MAP3K13: variants seen among roughly 807,000 people sequenced by gnomAD.
MAP3K13 encodes the protein mitogen-activated protein kinase kinase kinase 13.
In MAP3K13, 52 loss-of-function variants were observed where a neutral mutation model predicts 104.0. The ratio of observed to expected loss-of-function variants is 0.50; its 90% confidence interval spans 0.40 to 0.63. The LOEUF is 0.63. MAP3K13 is among the 20% of genes least tolerant of loss of function. The pLI, the probability that MAP3K13 is intolerant of heterozygous loss-of-function variation, is 0.00. For synonymous variants in MAP3K13, 394 were observed against 442.2 expected, an observed-to-expected ratio of 0.89 and a Z score of 1.37; for missense variants, 914 against 1,218.5, an observed-to-expected ratio of 0.75 and a Z score of 3.72.
In MAP3K13 at chr3:185,454,414, T is replaced by C. The variant is rs868410705; in HGVS notation, c.1278+3019T>C. Among the ~76,000 whole-genome samples, 358 of 107,614 alleles carry C rather than the reference T, an allele frequency of 3.3e-3. 22 individuals are homozygous for C. The highest frequency in any genetic ancestry group is 0.013 in the African/African-American group (346 of 27,002). The allele number at this position is 107,614 out of a possible 152,430, so 70.6% of individuals were successfully genotyped here. A position where few individuals can be genotyped will look rare whatever the true frequency, so the allele number is the denominator to read the frequency against. On this transcript the variant is annotated intron_variant, in intron 7 of 13. Transcript: ENST00000265026. ...ATATATATGAGATATATATATGAGATATATGAGATATATATGATATATATG... is the reference window on the plus strand; with the variant it reads ...ATATATATGAGATATATATATGAGACATATGAGATATATATGATATATATG...
At chr3:185,471,920 C>G (rs1052682674) in intron 10 of MAP3K13, among the ~76,000 whole-genome samples, 5 of 152,110 alleles carry the variant, frequency 3.3e-5, no homozygotes, top group Non-Finnish European at 7.4e-5. Context: ...ATCTTGATCC[C>G]AAGTGTTTAA....
At chr3:185,322,091 T>C (rs1560046912) in intron 2 of MAP3K13, among the ~76,000 whole-genome samples, 1 of 152,234 alleles carries the variant, frequency 6.6e-6, no homozygotes, top group Non-Finnish European at 1.5e-5. Context: ...TAAAAGCTCA[T>C]GTAAAATTTG....
chr3:185,482,286 G>T lies in MAP3K13; in HGVS notation c.2800-69G>T. The T allele has an allele frequency of 9.2e-7, 1 of 1,091,730 alleles. No individual in the cohort carries two copies. Among genetic ancestry groups the T allele is most frequent in the South Asian group, 1.3e-5 (1 of 78,646 alleles). The allele number at this position is 1,091,730 out of a possible 1,614,324, so 67.6% of individuals were successfully genotyped here. On this transcript the variant is annotated intron_variant, in intron 13 of 13. Coordinates refer to ENST00000265026, the MANE Select transcript of MAP3K13 (RefSeq NM_004721.5). The surrounding 1 kb of genome is among the most constrained non-coding windows in gnomAD (Gnocchi z 4.5). Reference sequence around the variant, plus strand: ...TTACCAAGCACAGTGCCTGTTGTGTGGGAGGTGTTTGACATATATTTACTG... The same window carrying T: ...TTACCAAGCACAGTGCCTGTTGTGTTGGAGGTGTTTGACATATATTTACTG...
chr3:185,330,664 C>A (rs1722231617), intron 2 of MAP3K13, among the ~76,000 whole-genome samples: 1 of 152,062 alleles, frequency 6.6e-6, no homozygotes, highest in African/African-American at 2.4e-5. Context: ...TGAAATGTTT[C>A]AGTCTTTTAA....
chr3:185,332,198 C>T (rs1722309312), intron 2 of MAP3K13, among the ~76,000 whole-genome samples: 2 of 146,238 alleles, frequency 1.4e-5, no homozygotes, highest in African/African-American at 5.1e-5. Flanking sequence ...GCCTAACTGC[C>T]TTCTTTAGGG....
intron 2 of MAP3K13, among the ~76,000 whole-genome samples, chr3:185,336,773 A>C (rs549119295): frequency 1.3e-5 from 2 of 151,826 alleles, no homozygotes; most frequent in Admixed American, 1.3e-4. Context: ...TTGATAGCAA[A>C]ATATACTCTT....
chr3:185,405,216 A>G (rs1035811965), intron 1 of MAP3K13, among the ~76,000 whole-genome samples: 1 of 152,220 alleles, frequency 6.6e-6, no homozygotes, highest in Admixed American at 6.5e-5. Flanking sequence ...CCATCAAACA[A>G]TGTTATTTTG....
Position 185,307,063 on chromosome 3 carries a change from C to T in MAP3K13, c.-86+21420C>T, listed in dbSNP as rs76474900. 5.5e-3 allele frequency among the ~76,000 whole-genome samples: 832 copies of T among 152,118 alleles called. 13 individuals are homozygous for T. Among genetic ancestry groups the T allele is most frequent in the African/African-American group, 0.019 (775 of 41,492 alleles). On this transcript the variant is annotated intron_variant, in intron 2 of 14. Transcript: ENST00000424227. ...TGAGAAATCCAATAATAATCTCATG[C>T]GAGTTCTCTTGTATGTGACAAGTCA...
At chr3:185,373,881 C>A (rs1724287600) in intron 1 of MAP3K13, among the ~76,000 whole-genome samples, 1 of 136,352 alleles carries the variant, frequency 7.3e-6, no homozygotes, top group South Asian at 2.3e-4. Flanking sequence ...CACCTGGGTG[C>A]AGGCGGGCTG....
chr3:185,322,195 G>C (rs932686053), intron 2 of MAP3K13, among the ~76,000 whole-genome samples: 2 of 152,196 alleles, frequency 1.3e-5, no homozygotes, highest in African/African-American at 4.8e-5. Flanking sequence ...AGTTTGAGGA[G>C]CACGTTAAGT....
At chr3:185,396,693 T>C (rs1048792329) in intron 1 of MAP3K13, among the ~76,000 whole-genome samples, 1 of 152,226 alleles carries the variant, frequency 6.6e-6, no homozygotes, top group Non-Finnish European at 1.5e-5. Context: ...CATAGGCCGA[T>C]GGAGCACACC....
chr3:185,447,459 A>C (rs956158791), intron 4 of MAP3K13, among the ~76,000 whole-genome samples: 1 of 133,660 alleles, frequency 7.5e-6, no homozygotes, highest in Non-Finnish European at 1.5e-5. Flanking sequence ...GTGCCATTGC[A>C]CTCCAGCCTG....
chr3:185,464,035 G>A (rs545454723), intron 8 of MAP3K13, among the ~76,000 whole-genome samples: 34 of 152,340 alleles, frequency 2.2e-4, no homozygotes, highest in South Asian at 8.3e-4. Flanking sequence ...TGTAATCCCA[G>A]CACTTTGGGA....
chr3:185,288,684 T>G (rs1191728323), intron 2 of MAP3K13, among the ~76,000 whole-genome samples: 1 of 152,088 alleles, frequency 6.6e-6, no homozygotes, highest in Admixed American at 6.6e-5. Context: ...TAAATAATTT[T>G]CGAAGTTTTA....
chr3:185,419,281 C>T (rs773181200), intron 1 of MAP3K13, among the ~76,000 whole-genome samples: 4 of 152,342 alleles, frequency 2.6e-5, no homozygotes, highest in Non-Finnish European at 4.4e-5. Flanking sequence ...GGATTACAGG[C>T]GTGAGCCAGC....
chr3:185,395,600 C>T lies in MAP3K13; in HGVS notation c.-86+32232C>T, dbSNP rs1410189146. On this transcript the variant is annotated intron_variant, in intron 1 of 13. Coordinates refer to ENST00000265026, the MANE Select transcript of MAP3K13 (RefSeq NM_004721.5). ...GTCTCGATCTCCTGACCTCGTGATC[C>T]GCCCGCCTCGGCCTCCCAAAGTGCT... 4.3e-4 allele frequency among the ~76,000 whole-genome samples: 65 copies of T among 150,946 alleles called. No individual in the cohort carries two copies. In the South Asian group the frequency reaches 5.5e-3, roughly 13 times the overall value.
intron 2 of MAP3K13, among the ~76,000 whole-genome samples, chr3:185,301,349 C>T (rs968341666): frequency 3.0e-4 from 46 of 151,254 alleles, no homozygotes; most frequent in African/African-American, 1.1e-3. Flanking sequence ...TGTAAGACTT[C>T]ATTATATTAA....
intron 2 of MAP3K13, among the ~76,000 whole-genome samples, chr3:185,308,267 A>G (rs1161725368): frequency 6.6e-6 from 1 of 152,008 alleles, no homozygotes; most frequent in Non-Finnish European, 1.5e-5. Flanking sequence ...TCCCAATTAC[A>G]GAAGTTTGCT....
At chr3:185,454,430 GATATATATGAGAT>G (rs1272815019) in intron 7 of MAP3K13, among the ~76,000 whole-genome samples, 2 of 12,770 alleles carry the variant, frequency 1.6e-4, no homozygotes, top group African/African-American at 2.6e-4. Flanking sequence ...AGATATATAT[GATATATATGAGAT>G]ATATATATGA....
Sources: gnomAD v4.1 joint callset for allele counts (sites outside exome capture counted in the v4.1 genomes callset) on GRCh38, gnomAD v4.1.1 for gene constraint, Gnocchi (gnomAD v3.1) non-coding constraint, MANE v1.5 for transcripts, NCBI Gene and HGNC (gene_info 2026-07-23, HGNC 2026-07-21) for gene names.